The following NTN1 variants were observed in gnomAD, a reference collection of about 807,000 sequenced individuals.
NTN1 encodes the protein netrin 1.
In NTN1, 11 loss-of-function variants were observed where a neutral mutation model predicts 54.2. That is an observed-to-expected ratio of 0.20 (90% confidence interval 0.13 to 0.34). The LOEUF (loss-of-function observed/expected upper bound fraction) is 0.34. NTN1 is among the 10% of genes least tolerant of loss of function. The pLI is 1.00. For synonymous variants in NTN1, 371 were observed against 382.0 expected (o/e 0.97, Z 0.33); for missense variants, 740 against 893.1 (o/e 0.83, Z 2.18).
intron 2 of NTN1, among the ~76,000 whole-genome samples, chr17:9,127,099 T>G (rs2092250139): frequency 6.7e-6 from 1 of 149,136 alleles, no homozygotes; most frequent in Non-Finnish European, 1.5e-5. Flanking sequence ...GGAGTTAGGA[T>G]TTTATTCCAG....
rs58881815 is a variant in NTN1, at chr17:9,040,527, C to T, written c.1018+17136C>T. ...CTCACAGTGTTTCAGTTTCTCTGGA[C>T]TTCAACTATATATATGAATATTTTA... On this transcript the variant is annotated intron_variant, in intron 2 of 6. Coordinates refer to ENST00000173229, the MANE Select transcript of NTN1 (RefSeq NM_004822.3). Among the ~76,000 whole-genome samples, 1,166 of 152,232 alleles carry T rather than the reference C, an allele frequency of 7.7e-3. 18 individuals carry two copies. The highest frequency in any genetic ancestry group is 0.026 in the African/African-American group (1,097 of 41,548).
chr17:9,028,354 G>A (rs762959673), intron 2 of NTN1, among the ~76,000 whole-genome samples: 18 of 152,186 alleles, frequency 1.2e-4, no homozygotes, highest in Non-Finnish European at 2.1e-4. Context: ...CAGCTGGAGT[G>A]AGGTTCTCTG....
At chr17:9,227,200 A>G (rs1905598012) in intron 6 of NTN1, among the ~76,000 whole-genome samples, 1 of 148,428 alleles carries the variant, frequency 6.7e-6, no homozygotes. Context: ...GCATGCACAC[A>G]TACCACATGC....
At chr17:9,045,365 A>G (rs1040793851) in intron 2 of NTN1, among the ~76,000 whole-genome samples, 2 of 151,940 alleles carry the variant, frequency 1.3e-5, no homozygotes, top group African/African-American at 4.8e-5. Flanking sequence ...ATGAAATATG[A>G]CCCCAAATGG....
At chr17:9,040,829 A>G (rs1326656475) in intron 2 of NTN1, among the ~76,000 whole-genome samples, 1 of 151,082 alleles carries the variant, frequency 6.6e-6, no homozygotes, top group Non-Finnish European at 1.5e-5. Flanking sequence ...TGTTGGAGAG[A>G]TAAGGTCTTG....
intron 2 of NTN1, among the ~76,000 whole-genome samples, chr17:9,040,671 G>C (rs1277401765): frequency 6.6e-6 from 1 of 152,134 alleles, no homozygotes; most frequent in East Asian, 1.9e-4. Context: ...ACTGATTTAA[G>C]TGAGCACATT....
intron 2 of NTN1, among the ~76,000 whole-genome samples, chr17:9,136,386 C>G (rs1175897893): frequency 2.0e-5 from 3 of 152,108 alleles, no homozygotes. Context: ...CCAGCCTGGC[C>G]AACATGGTGA....
chr17:9,100,216 T>C (rs1390721728), intron 2 of NTN1, among the ~76,000 whole-genome samples: 3 of 152,180 alleles, frequency 2.0e-5, no homozygotes, highest in Non-Finnish European at 4.4e-5. Flanking sequence ...ATATGCATAA[T>C]TTTTGTATAA....
At chr17:9,049,966 G>A (rs2091954540) in intron 2 of NTN1, among the ~76,000 whole-genome samples, 1 of 152,166 alleles carries the variant, frequency 6.6e-6, no homozygotes, top group Admixed American at 6.5e-5. Flanking sequence ...ATAAATGTCG[G>A]CCAGGCGCAG....
chr17:9,210,444 C>A (rs1338717524), intron 5 of NTN1, among the ~76,000 whole-genome samples: 3 of 100,898 alleles, frequency 3.0e-5, no homozygotes, highest in South Asian at 2.8e-4. Context: ...ACCCCCACAC[C>A]CACACACACA....
intron 3 of NTN1, among the ~76,000 whole-genome samples, chr17:9,178,545 C>G (rs1051546415): frequency 6.6e-6 from 1 of 152,258 alleles, no homozygotes; most frequent in South Asian, 2.1e-4. Flanking sequence ...CACAGACTCC[C>G]GTGCTCACGC....
At chr17:9,230,587 A>G (rs1413483692) in intron 6 of NTN1, among the ~76,000 whole-genome samples, 1 of 152,166 alleles carries the variant, frequency 6.6e-6, no homozygotes, top group Non-Finnish European at 1.5e-5. Flanking sequence ...GCTCGACAGA[A>G]AAGCCCCAGA....
At chr17:9,025,500 A>G (rs758759638) in intron 2 of NTN1, among the ~76,000 whole-genome samples, 1 of 152,238 alleles carries the variant, frequency 6.6e-6, no homozygotes, top group Non-Finnish European at 1.5e-5. Context: ...TCTGGGTTTT[A>G]CTGAAGTTAT....
At chr17:9,178,413 A>C (rs1408109126) in intron 3 of NTN1, among the ~76,000 whole-genome samples, 1 of 152,180 alleles carries the variant, frequency 6.6e-6, no homozygotes, top group Non-Finnish European at 1.5e-5. Flanking sequence ...ACACAACTTC[A>C]ACAAACAATT....
At position 9,023,401 on chromosome 17, in the gene NTN1, G is replaced by A; in HGVS notation, c.1018+10G>A. 7.4e-7 allele frequency: 1 copy of A among 1,360,248 alleles called. No homozygotes were observed. 84.3% of individuals were successfully genotyped at this position (1,360,248 alleles called of 1,614,324 possible). A position where few individuals can be genotyped will look rare whatever the true frequency, so the allele number is the denominator to read the frequency against. ...GCCAACGAGTGCGTGGGTGAGTGGG[G>A]TGCGGCGGCGGAGCCGGCGGCGGGT... On this transcript the variant is annotated intron_variant, in intron 2 of 6. Coordinates refer to ENST00000173229, the MANE Select transcript of NTN1 (RefSeq NM_004822.3).
chr17:9,226,426 TCG>T (rs1905554064), intron 6 of NTN1, among the ~76,000 whole-genome samples: 3 of 104,416 alleles, frequency 2.9e-5, no homozygotes, highest in African/African-American at 1.5e-4. Flanking sequence ...GGAGGCGGTC[TCG>T]TGGGGAGGCG....
At chr17:9,017,896 T>G (rs1161179359), upstream of NTN1, among the ~76,000 whole-genome samples, 1 of 152,036 alleles carries the variant, frequency 6.6e-6, no homozygotes, top group Admixed American at 6.6e-5. Context: ...GGCTGCAGAG[T>G]GGTCAGAAAA....
intron 5 of NTN1, among the ~76,000 whole-genome samples, chr17:9,192,844 GC>G (rs1024366574): frequency 3.2e-4 from 48 of 152,278 alleles, no homozygotes; most frequent in African/African-American, 1.0e-3. Context: ...GCTTTGGGAG[GC>G]CGAGGCAGGC....
intron 2 of NTN1, among the ~76,000 whole-genome samples, chr17:9,102,027 G>C (rs1470232169): frequency 6.6e-6 from 1 of 152,172 alleles, no homozygotes; most frequent in Non-Finnish European, 1.5e-5. Flanking sequence ...TAATAAACAT[G>C]ATCTGGTGCT....
Sources: gnomAD v4.1 joint callset for allele counts (sites outside exome capture counted in the v4.1 genomes callset) on GRCh38, gnomAD v4.1.1 for gene constraint, MANE v1.5 for transcripts, NCBI Gene and HGNC (gene_info 2026-07-23, HGNC 2026-07-21) for gene names.